Variants in ACTR3 observed in about 807,000 individuals in gnomAD.
The protein encoded by ACTR3 is actin-related protein 3.
A neutral mutation model predicts 56.8 loss-of-function variants in ACTR3; 12 were observed. The observed-to-expected ratio is 0.21, with a 90% CI of 0.14 to 0.34. The LOEUF (loss-of-function observed/expected upper bound fraction) is 0.34, where lower values mean the gene tolerates loss of function less well. Among genes scored for constraint, ACTR3 ranks in the 10% least tolerant of loss-of-function variants. The probability of loss-of-function intolerance (pLI) is 1.00; values close to 1 mark genes in which losing one functional copy is unlikely to be tolerated. For synonymous variants in ACTR3, 162 were observed against 167.4 expected (o/e 0.97, Z 0.25); for missense variants, 282 against 512.5 (o/e 0.55, Z 4.34).
intron 3 of ACTR3, among the ~76,000 whole-genome samples, chr2:113,921,916 G>A (rs556333268): frequency 6.6e-6 from 1 of 152,296 alleles, no homozygotes; most frequent in African/African-American, 2.4e-5. Context: ...ACAGAGCAGT[G>A]TGCCAGTTAG....
At chr2:113,890,501 T>G in intron 1 of ACTR3, 178 bp downstream of exon 1, 1 of 1,329,700 alleles carries the variant, frequency 7.5e-7, no homozygotes, top group Non-Finnish European at 9.8e-7. Flanking sequence ...TCCCCTCGTT[T>G]CTCCCTCCTG....
chr2:113,896,727 A>G (rs1473443487), intron 1 of ACTR3, among the ~76,000 whole-genome samples: 1 of 152,246 alleles, frequency 6.6e-6, no homozygotes, highest in Non-Finnish European at 1.5e-5. Context: ...TCTTTAAAAA[A>G]ATTGTGGATA....
chr2:113,917,648 T>C (rs1679431765), intron 3 of ACTR3, among the ~76,000 whole-genome samples: 3 of 152,248 alleles, frequency 2.0e-5, no homozygotes, highest in African/African-American at 7.2e-5. Context: ...TGACTTTGTC[T>C]GATTTGCAAA....
Position 113,942,266 on chromosome 2 carries a change from G to A in ACTR3, c.765G>A (p.Gln255=). ...YDTDGSKWIK[Q]YTGINAISKK... ...CAGATGGGTCAAAATGGATTAAACA[G>A]TATACTGGAATCAATGCTATCTCAA... is the stretch of plus-strand genomic sequence containing the variant. The change falls in exon 8 of 12, where the codon CAG becomes CAA. Residue 255 remains glutamine, a synonymous_variant. Coordinates refer to ENST00000263238, the MANE Select transcript of ACTR3 (RefSeq NM_005721.5). 6.2e-7 allele frequency: 1 copy of A among 1,606,300 alleles called. No homozygotes were observed. Among genetic ancestry groups the A allele is most frequent in the Non-Finnish European group, 8.5e-7 (1 of 1,176,916 alleles).
intron 3 of ACTR3, among the ~76,000 whole-genome samples, 171 bp from the exon 4 acceptor site, chr2:113,927,174 T>A (rs996172567): frequency 3.3e-5 from 5 of 152,348 alleles, no homozygotes; most frequent in Admixed American, 2.6e-4. Context: ...ATTGAACTAA[T>A]TTATCTTTAA....
At chr2:113,936,302 CAAAAAAAAAAAA>C (rs61526382) in intron 6 of ACTR3, among the ~76,000 whole-genome samples, 11 of 78,248 alleles carry the variant, frequency 1.4e-4, no homozygotes, top group East Asian at 4.0e-4. Context: ...ACCCTGTCTC[CAAAAAAAAAAAA>C]AAAAAAAAAA....
Position 113,951,804 on chromosome 2 carries a change from C to T in ACTR3, c.1036C>T (p.Arg346Trp). 6 of 1,613,404 alleles carry T rather than the reference C, an allele frequency of 3.7e-6. No individual in the cohort carries two copies. Among genetic ancestry groups the T allele is most frequent in the Non-Finnish European group, 4.2e-6 (5 of 1,179,512 alleles). The change falls in exon 10 of 12, where the codon CGG becomes TGG. Residue 346 changes from arginine (R) to tryptophan (W), a missense_variant. By Grantham distance (101) the Arg-to-Trp change is moderately radical (BLOSUM62 -3). Coordinates refer to ENST00000263238, the MANE Select transcript of ACTR3 (RefSeq NM_005721.5). ...AGATTTGAAAAGAACTGTAGATGCC[C>T]GGCTGAAATTAAGTGAGGAATTGAG... ...QRDLKRTVDA[R>W]LKLSEELSGG... is the part of the protein sequence containing the mutation.
chr2:113,917,459 G>A (rs1679428609), intron 3 of ACTR3, among the ~76,000 whole-genome samples: 1 of 151,704 alleles, frequency 6.6e-6, no homozygotes. Flanking sequence ...TGAGGTGTAA[G>A]TATGTAAGTG....
intron 1 of ACTR3, among the ~76,000 whole-genome samples, chr2:113,912,838 A>G (rs549336065): frequency 2.6e-5 from 4 of 152,336 alleles, no homozygotes; most frequent in Non-Finnish European, 5.9e-5. Context: ...TAAACTTAGC[A>G]TATTTCAATA....
chr2:113,916,813 A>C lies in ACTR3; in HGVS notation c.101-71A>C. ...TTACTTTGTAGTACTTTGTAATGGG[A>C]GAAGTGTAAGGTAAAAGTTTTTCTC... On this transcript the variant is annotated intron_variant, in intron 2 of 11. Transcript: ENST00000263238. 5.2e-6 allele frequency: 7 copies of C among 1,350,464 alleles called. No homozygotes were observed. The South Asian group carries it at 1.0e-4, about 20-fold the overall frequency. 83.7% of individuals were successfully genotyped at this position (1,350,464 alleles called of 1,614,324 possible).
chr2:113,921,545 G>T (rs142368796), intron 3 of ACTR3, among the ~76,000 whole-genome samples: 1 of 151,818 alleles, frequency 6.6e-6, no homozygotes, highest in Admixed American at 6.6e-5. Context: ...ATCTTTTCCC[G>T]TACCAATGTT....
At chr2:113,910,448 A>C (rs530352122) in intron 1 of ACTR3, among the ~76,000 whole-genome samples, 1 of 152,260 alleles carries the variant, frequency 6.6e-6, no homozygotes, top group African/African-American at 2.4e-5. Context: ...ACTTTAGCAA[A>C]TTAATTGAAC....
chr2:113,905,933 A>G (rs1271883976), intron 1 of ACTR3, among the ~76,000 whole-genome samples: 1 of 152,176 alleles, frequency 6.6e-6, no homozygotes, highest in African/African-American at 2.4e-5. Context: ...CCTTTTAGCT[A>G]TTGCAGATAT....
At chr2:113,900,807 G>T (rs1162016724) in intron 1 of ACTR3, among the ~76,000 whole-genome samples, 1 of 152,204 alleles carries the variant, frequency 6.6e-6, no homozygotes, top group Non-Finnish European at 1.5e-5. Context: ...AAGGGACCAG[G>T]AGAATGTTTC....
intron 6 of ACTR3, among the ~76,000 whole-genome samples, chr2:113,936,711 C>T (rs2104614683): frequency 6.6e-6 from 1 of 152,174 alleles, no homozygotes; most frequent in South Asian, 2.1e-4. Flanking sequence ...GACTGGGTAC[C>T]TAAAGAATAA....
At chr2:113,952,068 G>A in intron 10 of ACTR3, 1 of 523,242 alleles carries the variant, frequency 1.9e-6, no homozygotes, top group East Asian at 3.4e-5. Flanking sequence ...AGTAATACCT[G>A]TGGAAAGACT....
rs753136447 is a variant in ACTR3 at position 113,890,251 on chromosome 2, GGCAGCA to G, written c.-18_-13del. ...CCCCTAGCAGCACGGAGCAGACGGC[GGCAGCA>G]GCAGCAGCAGGCGAGGAGGAAGATG... is the stretch of plus-strand genomic sequence containing the variant. On this transcript the variant is annotated 5_prime_UTR_variant, in exon 1 of 12. Transcript: ENST00000263238. 4.1e-5 allele frequency: 64 copies of G among 1,549,926 alleles called. 1 individual carries two copies. The South Asian group carries it at 4.5e-4, about 11-fold the overall frequency.
At chr2:113,903,826 A>G (rs1679145120) in intron 1 of ACTR3, among the ~76,000 whole-genome samples, 1 of 146,434 alleles carries the variant, frequency 6.8e-6, no homozygotes, top group South Asian at 2.2e-4. Flanking sequence ...TATTTTTACT[A>G]CACTCTCTTC....
At chr2:113,916,814 G>C in intron 2 of ACTR3, 70 bp from the exon 3 acceptor site, 1 of 1,356,884 alleles carries the variant, frequency 7.4e-7, no homozygotes, top group East Asian at 2.5e-5. Flanking sequence ...TGTAATGGGA[G>C]AAGTGTAAGG....
Sources: allele counts gnomAD v4.1 joint callset (sites outside exome capture counted in the v4.1 genomes callset), GRCh38; gene constraint gnomAD v4.1.1; transcripts MANE v1.5; gene names NCBI Gene and HGNC (gene_info 2026-07-23, HGNC 2026-07-21).